The following TAFA5 variants were observed in gnomAD, a reference collection of about 807,000 sequenced individuals.
TAFA5 encodes TAFA chemokine like family member 5, also known as chemokine-like protein TAFA-5.
Under a neutral mutation model 15.3 loss-of-function variants are expected in TAFA5, and 6 were observed. That is an observed-to-expected ratio of 0.39 (90% CI 0.21 to 0.77). TAFA5 has a LOEUF of 0.77. Ranked by LOEUF, TAFA5 falls within the 30% of genes least tolerant of loss-of-function variation. TAFA5 has a pLI of 0.41. For synonymous variants in TAFA5, 103 were observed against 80.7 expected (o/e 1.28, Z -1.48); for missense variants, 161 against 193.1 (o/e 0.83, Z 0.98).
intron 3 of TAFA5, among the ~76,000 whole-genome samples, chr22:48,732,705 C>A (rs5771755): frequency 0.63 from 95,600 of 152,106 alleles, 31,096 homozygotes; most frequent in Non-Finnish European, 0.7. Flanking sequence ...GAAAGAAGTT[C>A]TTCTCTAGTT....
At chr22:48,610,644 T>TTGTCCCCAG (rs1925368992) in intron 1 of TAFA5, among the ~76,000 whole-genome samples, 2 of 151,804 alleles carry the variant, frequency 1.3e-5, no homozygotes, top group South Asian at 2.1e-4. Flanking sequence ...CTGGAGGGCT[T>TTGTCCCCAG]CGGGCCGTGT....
chr22:48,641,999 G>A (rs528814594), intron 1 of TAFA5, among the ~76,000 whole-genome samples: 3 of 152,252 alleles, frequency 2.0e-5, no homozygotes, highest in South Asian at 2.1e-4. Flanking sequence ...CCAGCAGCAC[G>A]CTGAGGGGGG....
chr22:48,669,561 A>T (rs1927734747), intron 2 of TAFA5, among the ~76,000 whole-genome samples: 1 of 152,248 alleles, frequency 6.6e-6, no homozygotes, highest in African/African-American at 2.4e-5. Context: ...CCTGCCTTTG[A>T]GTTTCCAAAA....
intron 1 of TAFA5, among the ~76,000 whole-genome samples, chr22:48,501,988 T>C (rs1468138034): frequency 2.0e-5 from 3 of 152,220 alleles, no homozygotes; most frequent in Non-Finnish European, 2.9e-5. Flanking sequence ...CTTCAGGTTT[T>C]GAACTTAAAG....
intron 2 of TAFA5, among the ~76,000 whole-genome samples, chr22:48,686,882 G>A (rs1928372780): frequency 6.9e-6 from 1 of 145,972 alleles, no homozygotes; most frequent in Non-Finnish European, 1.5e-5. Context: ...TGGAGATGAT[G>A]GATGGATTGA....
At chr22:48,713,361 C>G (rs1271462028) in intron 3 of TAFA5, among the ~76,000 whole-genome samples, 1 of 152,204 alleles carries the variant, frequency 6.6e-6, no homozygotes. Context: ...GTGGTGTAGT[C>G]AGGCCATTCC....
At chr22:48,637,666 T>G (rs1486378825) in intron 1 of TAFA5, among the ~76,000 whole-genome samples, 1 of 152,034 alleles carries the variant, frequency 6.6e-6, no homozygotes, top group African/African-American at 2.4e-5. Flanking sequence ...GTGTGTGGTT[T>G]GTGTGTTTCG....
chr22:48,541,869 C>T (rs982737392), intron 1 of TAFA5, among the ~76,000 whole-genome samples: 18 of 152,184 alleles, frequency 1.2e-4, no homozygotes, highest in African/African-American at 2.9e-4. Context: ...TGGGGGAAGC[C>T]GGCTCTGGGC....
chr22:48,546,607 A>C, intron 1 of TAFA5: 1 of 471,128 alleles, frequency 2.1e-6, no homozygotes, highest in Non-Finnish European at 4.4e-6. Context: ...GGGAATCCTA[A>C]AAGGATCAAG....
chr22:48,506,902 T>G (rs1156246697), intron 1 of TAFA5, among the ~76,000 whole-genome samples: 1 of 152,160 alleles, frequency 6.6e-6, no homozygotes, highest in Non-Finnish European at 1.5e-5. Context: ...GCATGGGACA[T>G]GCTGCTGGAT....
intron 2 of TAFA5, among the ~76,000 whole-genome samples, chr22:48,667,291 G>A (rs185876624): frequency 1.0e-4 from 15 of 148,704 alleles, no homozygotes; most frequent in African/African-American, 1.7e-4. Context: ...ACCACCTAAC[G>A]GTGTGATGAT....
intron 1 of TAFA5, among the ~76,000 whole-genome samples, chr22:48,500,844 C>T (rs187615804): frequency 2.0e-5 from 3 of 152,240 alleles, no homozygotes; most frequent in South Asian, 2.1e-4. Flanking sequence ...TGGCCCTGCT[C>T]GGGTAGGGCT....
At chr22:48,743,207 C>T (rs1930231748) in intron 3 of TAFA5, among the ~76,000 whole-genome samples, 1 of 151,924 alleles carries the variant, frequency 6.6e-6, no homozygotes, top group South Asian at 2.1e-4. Context: ...CTGCCTCCTC[C>T]TGCCATTCTT....
intron 1 of TAFA5, chr22:48,576,510 G>C (rs1463212097): frequency 6.6e-7 from 1 of 1,508,434 alleles, no homozygotes; most frequent in Admixed American, 1.9e-5. Flanking sequence ...TCTGGGCACT[G>C]GCAGGGGCCG....
intron 1 of TAFA5, among the ~76,000 whole-genome samples, chr22:48,578,896 C>T (rs1201930799): frequency 2.0e-5 from 3 of 152,172 alleles, no homozygotes; most frequent in African/African-American, 7.2e-5. Flanking sequence ...GGCTGATGGG[C>T]TCGGCCTGGG....
intron 3 of TAFA5, among the ~76,000 whole-genome samples, chr22:48,726,057 A>G (rs1449251145): frequency 6.6e-6 from 1 of 152,256 alleles, no homozygotes; most frequent in Admixed American, 6.5e-5. Context: ...CAAGAGAACA[A>G]GAATCCCCAC....
intron 2 of TAFA5, among the ~76,000 whole-genome samples, chr22:48,679,967 A>C (rs547147332): frequency 6.6e-6 from 1 of 152,280 alleles, no homozygotes; most frequent in South Asian, 2.1e-4. Flanking sequence ...GACCCCATGA[A>C]CCTCAGTTTT....
chr22:48,612,683 G>A (rs956316053), intron 1 of TAFA5, among the ~76,000 whole-genome samples: 1 of 152,024 alleles, frequency 6.6e-6, no homozygotes, highest in African/African-American at 2.4e-5. Flanking sequence ...GCCCTCCCAC[G>A]AGTGCCTTTC....
intron 1 of TAFA5, among the ~76,000 whole-genome samples, chr22:48,583,062 ACCACACACAAAATACACCACACACC>A (rs1924146476): frequency 1.3e-5 from 2 of 150,642 alleles, no homozygotes; most frequent in African/African-American, 4.9e-5. Context: ...CACAAAGTAC[ACCACACACAAAATACACCACACACC>A]CCACACACAA....
Sources: allele counts gnomAD v4.1 joint callset (sites outside exome capture counted in the v4.1 genomes callset), GRCh38; gene constraint gnomAD v4.1.1; transcripts MANE v1.5; gene names NCBI Gene and HGNC (gene_info 2026-07-23, HGNC 2026-07-21).